Variants in CADPS observed in about 807,000 individuals in gnomAD.
CADPS encodes calcium-dependent secretion activator 1.
Under a neutral mutation model 167.3 loss-of-function variants are expected in CADPS, and 57 were observed. That is an observed-to-expected ratio of 0.34 (90% CI 0.28 to 0.42). The LOEUF is 0.42. Among genes scored for constraint, CADPS ranks in the 20% least tolerant of loss-of-function variants. CADPS has a pLI of 1.00. For synonymous variants in CADPS, 676 were observed against 635.3 expected, an observed-to-expected ratio of 1.06 and a Z score of -0.96; for missense variants, 1,414 against 1,738.1, an observed-to-expected ratio of 0.81 and a Z score of 3.32.
At chr3:62,746,339 A>C (rs990134043) in intron 3 of CADPS, among the ~76,000 whole-genome samples, 11 of 152,164 alleles carry the variant, frequency 7.2e-5, no homozygotes, top group Non-Finnish European at 1.6e-4. Flanking sequence ...CAATCCATTG[A>C]TTGATTGATT....
chr3:62,620,814 G>C (rs1436562332), intron 6 of CADPS, among the ~76,000 whole-genome samples: 1 of 152,132 alleles, frequency 6.6e-6, no homozygotes, highest in Non-Finnish European at 1.5e-5. Context: ...GTGACAGCCT[G>C]GTACCTGTGA....
intron 1 of CADPS, among the ~76,000 whole-genome samples, chr3:62,868,144 CCCT>C (rs1186649762): frequency 6.6e-6 from 1 of 152,036 alleles, no homozygotes; most frequent in Non-Finnish European, 1.5e-5. Flanking sequence ...TGATCATCGG[CCCT>C]CCAATTTGGC....
intron 6 of CADPS, among the ~76,000 whole-genome samples, chr3:62,596,232 G>A (rs1481310075): frequency 7.1e-6 from 1 of 141,564 alleles, no homozygotes; most frequent in African/African-American, 2.7e-5. Context: ...GTGTCGTTCT[G>A]TTGCCCAGGC....
Position 62,849,760 on chromosome 3 carries a change from C to T in CADPS, c.441+24829G>A, listed in dbSNP as rs1407187493. Among the ~76,000 whole-genome samples, 741 of 141,878 alleles carry T rather than the reference C, an allele frequency of 5.2e-3. 23 individuals carry two copies. The highest frequency in any genetic ancestry group is 0.018 in the African/African-American group (649 of 36,842). The allele number at this position is 141,878 out of a possible 152,430, so 93.1% of individuals were successfully genotyped here. The stretch of plus-strand genomic sequence containing the variant: ...TCTCTTTTTTGGCTGTGTCTCTGCC[C>T]GGCTTTGGTATCAGAATGATGCTGG... On this transcript the variant is annotated intron_variant, in intron 1 of 29. Coordinates refer to ENST00000383710, the MANE Select transcript of CADPS (RefSeq NM_003716.4).
chr3:62,516,369 C>G (rs948072777), intron 15 of CADPS, among the ~76,000 whole-genome samples, 187 bp from the exon 16 acceptor site: 1 of 152,126 alleles, frequency 6.6e-6, no homozygotes, highest in African/African-American at 2.4e-5. Flanking sequence ...CAGGGAAGGG[C>G]TAGGAACATA....
Position 62,874,843 on chromosome 3 carries a change from C to G in CADPS, c.187G>C (p.Gly63Arg). ...AGAGAGVGAG[G>R]GGGSGASSGG... is the part of the protein sequence containing the mutation. ...CTGCTCGCGCCGCTGCCCCCGCCGC[C>G]GCCTGCACCCACCCCGGCTCCGGCG... is the stretch of plus-strand genomic sequence containing the variant. Residue 63 changes from glycine (G) to arginine (R), a missense_variant, in exon 1 of 30, where the codon GGC becomes CGC. By Grantham distance (125) the Gly-to-Arg change is moderately radical. Coordinates refer to ENST00000383710, the MANE Select transcript of CADPS (RefSeq NM_003716.4). This position sits in a 1 kb window ranked among gnomAD's most constrained non-coding sequence, Gnocchi z 7.1. 2.8e-6 allele frequency: 3 copies of G among 1,055,880 alleles called. No individual in the cohort carries two copies. Among genetic ancestry groups the G allele is most frequent in the Non-Finnish European group, 3.4e-6 (3 of 871,848 alleles). The allele number at this position is 1,055,880 out of a possible 1,614,324, so 65.4% of individuals were successfully genotyped here. A position where few individuals can be genotyped will look rare whatever the true frequency, so the allele number is the denominator to read the frequency against.
intron 10 of CADPS, among the ~76,000 whole-genome samples, chr3:62,550,591 C>T (rs746654174): frequency 6.6e-6 from 1 of 152,098 alleles, no homozygotes; most frequent in Non-Finnish European, 1.5e-5. Context: ...TGATTCAGTA[C>T]GTCCGGAACA....
chr3:62,645,331 C>T (rs1371860979), intron 6 of CADPS, among the ~76,000 whole-genome samples: 1 of 152,018 alleles, frequency 6.6e-6, no homozygotes, highest in East Asian at 1.9e-4. Flanking sequence ...CCACCTGTTC[C>T]CCAAAAATAT....
At chr3:62,655,736 G>A (rs578143919) in intron 4 of CADPS, among the ~76,000 whole-genome samples, 135 of 152,264 alleles carry the variant, frequency 8.9e-4, no homozygotes, top group South Asian at 6.0e-3. Context: ...AAGGAGGAAT[G>A]TGACAGAAGG....
chr3:62,787,690 C>G (rs1460483566), intron 1 of CADPS, among the ~76,000 whole-genome samples: 1 of 152,164 alleles, frequency 6.6e-6, no homozygotes, highest in African/African-American at 2.4e-5. Context: ...ATTTTGGAAT[C>G]AGACTGCTTA....
Position 62,848,029 on chromosome 3 carries a change from GTGA to G in CADPS, c.441+26557_441+26559del, listed in dbSNP as rs2077815348. 5.9e-5 allele frequency among the ~76,000 whole-genome samples: 7 copies of G among 119,160 alleles called. No individual in the cohort carries two copies. In the Middle Eastern group the frequency reaches 0.026, roughly 440 times the overall value. The allele number at this position is 119,160 out of a possible 152,430, so 78.2% of individuals were successfully genotyped here. The stretch of plus-strand genomic sequence containing the variant: ...TTGATTTGCATTTCTCTGATGGCCA[GTGA>G]TGATGAGCATTTTTTCATGTGTTTT... On this transcript the variant is annotated intron_variant, in intron 1 of 29. Transcript: ENST00000383710.
At chr3:62,818,695 G>A (rs1488390691) in intron 1 of CADPS, among the ~76,000 whole-genome samples, 1 of 152,188 alleles carries the variant, frequency 6.6e-6, no homozygotes, top group Non-Finnish European at 1.5e-5. Flanking sequence ...CTGAGACATG[G>A]AAACATATGT....
chr3:62,680,578 A>T (rs1457052183), intron 3 of CADPS, among the ~76,000 whole-genome samples: 5 of 151,758 alleles, frequency 3.3e-5, no homozygotes. Context: ...TTTCTTCCTT[A>T]CTTCAGCACC....
At chr3:62,858,728 ATTACT>A (rs767290389) in intron 1 of CADPS, among the ~76,000 whole-genome samples, 17 of 152,164 alleles carry the variant, frequency 1.1e-4, no homozygotes, top group African/African-American at 1.9e-4. Context: ...GTTTATCCAC[ATTACT>A]TTAATGATAT....
intron 3 of CADPS, among the ~76,000 whole-genome samples, chr3:62,664,331 G>A (rs2074000282): frequency 6.6e-6 from 1 of 152,160 alleles, no homozygotes; most frequent in Non-Finnish European, 1.5e-5. Context: ...TTAAACTGAA[G>A]CTAGAATTTT....
chr3:62,777,838 A>T (rs1029123984), intron 1 of CADPS, among the ~76,000 whole-genome samples: 1 of 152,202 alleles, frequency 6.6e-6, no homozygotes, highest in Non-Finnish European at 1.5e-5. Flanking sequence ...AGAAAATTCT[A>T]TCACTCAAGC....
chr3:62,723,423 C>T (rs773357489), intron 3 of CADPS, among the ~76,000 whole-genome samples: 2 of 152,110 alleles, frequency 1.3e-5, no homozygotes, highest in African/African-American at 2.4e-5. Context: ...ACAGTGTAGA[C>T]AGCCTTCCTT....
At chr3:62,649,543 CTTTTTTTTTTTTTTT>C (rs369874258) in intron 5 of CADPS, among the ~76,000 whole-genome samples, 30 of 37,800 alleles carry the variant, frequency 7.9e-4, no homozygotes, top group African/African-American at 1.7e-3. Flanking sequence ...AATATGTGGT[CTTTTTTTTTTTTTTT>C]TTTTTTTTTT....
intron 11 of CADPS, among the ~76,000 whole-genome samples, chr3:62,539,087 T>G (rs2075263098): frequency 6.6e-6 from 1 of 152,204 alleles, no homozygotes; most frequent in South Asian, 2.1e-4. Flanking sequence ...TTTTCCCTTC[T>G]TCCTTTCTTT....
Sources: allele counts gnomAD v4.1 joint callset (sites outside exome capture counted in the v4.1 genomes callset), GRCh38; gene constraint gnomAD v4.1.1; non-coding constraint Gnocchi (gnomAD v3.1); transcripts MANE v1.5; gene names NCBI Gene and HGNC (gene_info 2026-07-23, HGNC 2026-07-21).